Variants in LRRC7 observed in about 807,000 individuals in gnomAD.
LRRC7 encodes the protein leucine rich repeat containing 7, also known as leucine-rich repeat-containing protein 7.
LRRC7 carries 23 observed loss-of-function variants against 175.7 expected under a neutral mutation model. The observed-to-expected ratio is 0.13, with a 90% CI of 0.09 to 0.19. The LOEUF is 0.19. Ranked by LOEUF, LRRC7 falls within the 10% of genes least tolerant of loss-of-function variation. The pLI is 1.00. For synonymous variants in LRRC7, 685 were observed against 680.9 expected, an observed-to-expected ratio of 1.01 and a Z score of -0.09; for missense variants, 1,354 against 1,904.7, an observed-to-expected ratio of 0.71 and a Z score of 5.38.
chr1:69,674,016 C>G (rs1247637689), intron 1 of LRRC7, among the ~76,000 whole-genome samples: 1 of 151,934 alleles, frequency 6.6e-6, no homozygotes, highest in Non-Finnish European at 1.5e-5. Flanking sequence ...ATCTATAACA[C>G]ATAAATATGG....
Position 70,109,104 on chromosome 1 carries a change from C to A in LRRC7, c.4620+1278C>A, listed in dbSNP as rs555178307. 2.6e-5 allele frequency among the ~76,000 whole-genome samples: 4 copies of A among 152,276 alleles called. No homozygotes were observed. In the East Asian group the frequency reaches 7.7e-4, roughly 29 times the overall value. On this transcript the variant is annotated intron_variant, in intron 26 of 26. Transcript: ENST00000651989. ...TGGCACGATCTCGGCTCACCACAAC[C>A]TCCACCTCCCGGGTTCAAGCAATTC...
chr1:69,717,826 G>T (rs868282935), intron 2 of LRRC7, among the ~76,000 whole-genome samples: 1 of 25,298 alleles, frequency 4.0e-5, no homozygotes, highest in African/African-American at 2.4e-4. Context: ...AAGAAAGAAA[G>T]AAAGAAAGAA....
intron 3 of LRRC7, among the ~76,000 whole-genome samples, chr1:69,771,227 T>C (rs924895001): frequency 1.3e-5 from 2 of 152,200 alleles, no homozygotes; most frequent in African/African-American, 2.4e-5. Flanking sequence ...ATAATGTAGA[T>C]TAACTCTCTA....
At chr1:69,581,312 G>T (rs191403092) in intron 1 of LRRC7, among the ~76,000 whole-genome samples, 1 of 152,288 alleles carries the variant, frequency 6.6e-6, no homozygotes, top group Admixed American at 6.5e-5. Context: ...TGTTTACAGT[G>T]AGCTGGACAA....
intron 8 of LRRC7, among the ~76,000 whole-genome samples, chr1:69,968,125 G>A (rs987766823): frequency 6.6e-6 from 1 of 152,002 alleles, no homozygotes; most frequent in Non-Finnish European, 1.5e-5. Flanking sequence ...AAAACTTTAA[G>A]AAACAATGGA....
At chr1:69,827,475 T>A (rs914286448) in intron 5 of LRRC7, among the ~76,000 whole-genome samples, 2 of 152,194 alleles carry the variant, frequency 1.3e-5, no homozygotes, top group Admixed American at 1.3e-4. Context: ...GTTTTGAAAT[T>A]CATAAAAATT....
rs560348098 is a variant in LRRC7, at chr1:70,019,376, A to G, written c.1420+558A>G. On this transcript the variant is annotated intron_variant, in intron 15 of 26. Coordinates refer to ENST00000651989, the MANE Select transcript of LRRC7 (RefSeq NM_001370785.2). ...TTTCAATAATTAAATCTTCTCTTCT[A>G]TGATCACATTATTCATTTAAAAAGG... Among the ~76,000 whole-genome samples, 72 of 152,094 alleles carry G rather than the reference A, an allele frequency of 4.7e-4. 1 individual carries two copies. Among genetic ancestry groups the G allele is most frequent in the South Asian group, 3.1e-3 (15 of 4,824 alleles).
intron 7 of LRRC7, among the ~76,000 whole-genome samples, chr1:69,867,878 TGA>T (rs1171068486): frequency 5.3e-5 from 8 of 152,218 alleles, no homozygotes; most frequent in Admixed American, 2.6e-4. Context: ...ATTAAAATAA[TGA>T]GTTTCATTTT....
At chr1:69,740,063 A>C (rs1168257192) in intron 2 of LRRC7, among the ~76,000 whole-genome samples, 1 of 152,092 alleles carries the variant, frequency 6.6e-6, no homozygotes, top group African/African-American at 2.4e-5. Flanking sequence ...AGGTTCTACT[A>C]TATGATTGGT....
chr1:69,874,551 T>A (rs1685869395), intron 7 of LRRC7: 1 of 152,130 alleles, frequency 6.6e-6, no homozygotes, highest in African/African-American at 2.4e-5. Flanking sequence ...ATAAAACAGG[T>A]GTGAGCAGGA....
intron 24 of LRRC7, among the ~76,000 whole-genome samples, chr1:70,077,073 A>T (rs940215027): frequency 6.6e-5 from 10 of 152,164 alleles, no homozygotes; most frequent in African/African-American, 1.9e-4. Context: ...CTAACTTTTA[A>T]TATGGTCTAT....
chr1:69,916,153 T>C (rs932071347), intron 7 of LRRC7, among the ~76,000 whole-genome samples: 396 of 94,316 alleles, frequency 4.2e-3, no homozygotes, highest in Non-Finnish European at 6.2e-3. Flanking sequence ...ATATATATTA[T>C]ATACATATTT....
intron 1 of LRRC7, among the ~76,000 whole-genome samples, chr1:69,578,269 A>G (rs371797753): frequency 0.01 from 1,546 of 150,488 alleles, 24 homozygotes; most frequent in African/African-American, 0.034. Context: ...TTAGAATGGC[A>G]ATCATTAAAA....
intron 2 of LRRC7, among the ~76,000 whole-genome samples, chr1:69,717,561 C>G (rs1481334762): frequency 6.6e-6 from 1 of 151,380 alleles, no homozygotes; most frequent in Admixed American, 6.6e-5. Context: ...CTTAGATTGC[C>G]ATAAAGTGGC....
rs572559703 is a variant in LRRC7, at chr1:70,090,172, G to A, written c.4545+353G>A. ...ACAAGTTGTTTCCAAAGGTTAACTC[G>A]TAAGTCACTTATTTAGGAAACTGTT... On this transcript the variant is annotated intron_variant, in intron 25 of 26. Coordinates refer to ENST00000651989, the MANE Select transcript of LRRC7 (RefSeq NM_001370785.2). Among the ~76,000 whole-genome samples the A allele has an allele frequency of 3.5e-4, 54 of 152,182 alleles. 1 individual carries two copies. The South Asian group carries it at 8.5e-3, about 24-fold the overall frequency.
At chr1:69,799,259 A>C (rs1360161520) in intron 4 of LRRC7, among the ~76,000 whole-genome samples, 5 of 152,064 alleles carry the variant, frequency 3.3e-5, no homozygotes, top group Non-Finnish European at 7.4e-5. Flanking sequence ...TGTTAGGTGC[A>C]TACAATGCAT....
chr1:69,703,998 T>C (rs1663707929), intron 2 of LRRC7, among the ~76,000 whole-genome samples: 1 of 152,036 alleles, frequency 6.6e-6, no homozygotes, highest in Non-Finnish European at 1.5e-5. Context: ...TAAATACCTT[T>C]AAGATTTTTG....
intron 24 of LRRC7, among the ~76,000 whole-genome samples, chr1:70,085,266 G>A (rs1663520803): frequency 6.6e-6 from 1 of 151,990 alleles, no homozygotes; most frequent in Admixed American, 6.6e-5. Flanking sequence ...TTATAATCTA[G>A]CTCTTATGTT....
intron 1 of LRRC7, among the ~76,000 whole-genome samples, chr1:69,633,810 T>G (rs1652894714): frequency 1.3e-5 from 2 of 152,188 alleles, no homozygotes; most frequent in Non-Finnish European, 2.9e-5. Flanking sequence ...GGGCCTGCCA[T>G]GGGGCTAGCA....
Sources: gnomAD v4.1 joint callset for allele counts (sites outside exome capture counted in the v4.1 genomes callset) on GRCh38, gnomAD v4.1.1 for gene constraint, MANE v1.5 for transcripts, NCBI Gene and HGNC (gene_info 2026-07-23, HGNC 2026-07-21) for gene names.